GALNTL6: variants seen among roughly 807,000 people sequenced by gnomAD.
GALNTL6 encodes polypeptide N-acetylgalactosaminyltransferase like 6, also known as polypeptide N-acetylgalactosaminyltransferase-like 6.
GALNTL6 carries 46 observed loss-of-function variants against 73.7 expected under a neutral mutation model. That is an observed-to-expected ratio of 0.62 (90% CI 0.49 to 0.80). The LOEUF (loss-of-function observed/expected upper bound fraction) is 0.80, where lower values mean the gene tolerates loss of function less well. GALNTL6 is among the 30% of genes least tolerant of loss of function. The pLI is 0.00. For synonymous variants in GALNTL6, 259 were observed against 263.7 expected (o/e 0.98, Z 0.17); for missense variants, 604 against 755.0 (o/e 0.80, Z 2.34).
chr4:172,045,362 G>A (rs1239571712), intron 2 of GALNTL6, among the ~76,000 whole-genome samples: 2 of 151,944 alleles, frequency 1.3e-5, no homozygotes, highest in Non-Finnish European at 2.9e-5. Context: ...CCTGTTAATT[G>A]CAGTGTTTGA....
At chr4:172,295,087 G>T (rs536191441) in intron 3 of GALNTL6, among the ~76,000 whole-genome samples, 3 of 152,010 alleles carry the variant, frequency 2.0e-5, no homozygotes, top group Non-Finnish European at 4.4e-5. Flanking sequence ...ATGTAAAAAT[G>T]TGAGCTATCT....
chr4:172,801,674 T>A (rs1389067927), intron 5 of GALNTL6, among the ~76,000 whole-genome samples: 3 of 152,250 alleles, frequency 2.0e-5, no homozygotes, highest in Admixed American at 2.0e-4. Flanking sequence ...ATAGGTGCTG[T>A]GTTCTAGATG....
chr4:171,954,797 C>A (rs1328712794), intron 2 of GALNTL6, among the ~76,000 whole-genome samples: 1 of 152,132 alleles, frequency 6.6e-6, no homozygotes, highest in Non-Finnish European at 1.5e-5. Context: ...TCTCTTCTCT[C>A]TTGACAGTGA....
chr4:171,944,235 C>T (rs1738636656), intron 2 of GALNTL6, among the ~76,000 whole-genome samples: 1 of 151,824 alleles, frequency 6.6e-6, no homozygotes, highest in Admixed American at 6.6e-5. Context: ...ATTTTAATAC[C>T]TTATTAATTG....
intron 7 of GALNTL6, among the ~76,000 whole-genome samples, chr4:172,859,724 A>G (rs1744298675): frequency 2.0e-5 from 3 of 152,154 alleles, no homozygotes; most frequent in Admixed American, 2.0e-4. Context: ...TTGTATTTAC[A>G]GGCACTCCCC....
intron 7 of GALNTL6, among the ~76,000 whole-genome samples, chr4:172,849,405 A>T (rs1743691694): frequency 6.6e-6 from 1 of 152,170 alleles, no homozygotes. Context: ...ATAGACTCTG[A>T]GCATTAGTTC....
At chr4:172,594,561 T>C (rs550516501) in intron 5 of GALNTL6, among the ~76,000 whole-genome samples, 1 of 152,248 alleles carries the variant, frequency 6.6e-6, no homozygotes, top group African/African-American at 2.4e-5. Flanking sequence ...TAAATCATAG[T>C]TATATCTTGT....
intron 2 of GALNTL6, among the ~76,000 whole-genome samples, chr4:172,177,772 C>CAAATATAT (rs1735062276): frequency 4.0e-5 from 3 of 74,436 alleles, no homozygotes; most frequent in Non-Finnish European, 6.2e-5. Context: ...TATATATGTA[C>CAAATATAT]ACATATATAC....
At chr4:172,498,693 A>G (rs7694525) in intron 5 of GALNTL6, among the ~76,000 whole-genome samples, 29,847 of 152,164 alleles carry the variant, frequency 0.2, 3,193 homozygotes, top group African/African-American at 0.26. Context: ...ATTACATTAT[A>G]TAAGGTTGTA....
chr4:172,175,441 G>A (rs1377209849), intron 2 of GALNTL6, among the ~76,000 whole-genome samples: 1 of 152,140 alleles, frequency 6.6e-6, no homozygotes, highest in Non-Finnish European at 1.5e-5. Flanking sequence ...GAGGAAGCAC[G>A]TAAGGGATTT....
chr4:172,932,138 T>C (rs1259075736), intron 9 of GALNTL6, among the ~76,000 whole-genome samples: 1 of 152,248 alleles, frequency 6.6e-6, no homozygotes, highest in Non-Finnish European at 1.5e-5. Flanking sequence ...GGATCTTTTA[T>C]ATAAGGCTCA....
chr4:171,910,087 A>G (rs1385350473), intron 2 of GALNTL6, among the ~76,000 whole-genome samples: 1 of 152,150 alleles, frequency 6.6e-6, no homozygotes, highest in Admixed American at 6.5e-5. Context: ...TTAAAATAGT[A>G]TATTTCTTTT....
chr4:172,915,381 A>C (rs1747446599), intron 8 of GALNTL6, among the ~76,000 whole-genome samples: 1 of 152,250 alleles, frequency 6.6e-6, no homozygotes, highest in Non-Finnish European at 1.5e-5. Context: ...AGCAGAAGGC[A>C]AGAAATAACT....
At chr4:172,926,117 T>G (rs925486760) in intron 8 of GALNTL6, among the ~76,000 whole-genome samples, 1 of 152,166 alleles carries the variant, frequency 6.6e-6, no homozygotes, top group Non-Finnish European at 1.5e-5. Flanking sequence ...GCCAGCATTG[T>G]TGGGTTCTGG....
rs183235464 is a variant in GALNTL6 at position 172,261,653 on chromosome 4, T to G, written c.247+31889T>G. Among the ~76,000 whole-genome samples the G allele has an allele frequency of 4.9e-3, 746 of 151,540 alleles. 9 individuals carry two copies. The highest frequency in any genetic ancestry group is 0.017 in the African/African-American group (687 of 41,486). ...TTTTCTGCTGGGTTTGTTTTTGGTT[T>G]ATTCTTGTTTCTCTAATTCCATGGG... On this transcript the variant is annotated intron_variant, in intron 3 of 12. Transcript: ENST00000506823.
chr4:172,427,003 T>C (rs1410197076), intron 5 of GALNTL6, among the ~76,000 whole-genome samples: 1 of 152,148 alleles, frequency 6.6e-6, no homozygotes, highest in Non-Finnish European at 1.5e-5. Context: ...ATGTACAGCA[T>C]GTATGTAATT....
At chr4:172,842,872 C>G (rs1426045696) in intron 7 of GALNTL6, among the ~76,000 whole-genome samples, 1 of 151,910 alleles carries the variant, frequency 6.6e-6, no homozygotes, top group African/African-American at 2.4e-5. Context: ...CAAAGTGAGC[C>G]GTGAGGGAAC....
At chr4:171,990,133 T>C (rs945476057) in intron 2 of GALNTL6, among the ~76,000 whole-genome samples, 4 of 152,152 alleles carry the variant, frequency 2.6e-5, no homozygotes, top group Admixed American at 2.0e-4. Context: ...AGAAGGCTTA[T>C]AACATTATCT....
At chr4:172,222,561 C>T (rs756317498) in intron 2 of GALNTL6, among the ~76,000 whole-genome samples, 8 of 126,662 alleles carry the variant, frequency 6.3e-5, no homozygotes, top group African/African-American at 2.1e-4. Flanking sequence ...AAAATAAAAT[C>T]GAAGCATTAT....
Sources: gnomAD v4.1 joint callset for allele counts (sites outside exome capture counted in the v4.1 genomes callset) on GRCh38, gnomAD v4.1.1 for gene constraint, MANE v1.5 for transcripts, NCBI Gene and HGNC (gene_info 2026-07-23, HGNC 2026-07-21) for gene names.